The following ACACA variants were observed in gnomAD, a reference collection of about 807,000 sequenced individuals.
The protein encoded by ACACA is acetyl-CoA carboxylase 1.
Under a neutral mutation model 296.1 loss-of-function variants are expected in ACACA, and 103 were observed. The ratio of observed to expected loss-of-function variants is 0.35; its 90% CI spans 0.30 to 0.41. ACACA has a LOEUF of 0.41. Ranked by LOEUF, ACACA falls within the 10% of genes least tolerant of loss-of-function variation. The pLI is 1.00. For missense variants in ACACA, 1,554 were observed against 2,989.7 expected (o/e 0.52, Z 11.20); for synonymous variants, 953 against 1,038.6 (o/e 0.92, Z 1.58).
intron 18 of ACACA, among the ~76,000 whole-genome samples, chr17:37,247,647 G>A (rs1310452332): frequency 3.3e-5 from 5 of 152,188 alleles, no homozygotes; most frequent in East Asian, 3.8e-4. Context: ...GATTACAGGC[G>A]TGAGCCACCG....
At chr17:37,208,426 G>C (rs552355247) in intron 30 of ACACA, among the ~76,000 whole-genome samples, 1 of 152,258 alleles carries the variant, frequency 6.6e-6, no homozygotes, top group African/African-American at 2.4e-5. Flanking sequence ...TGGGTTGGTA[G>C]GCATAGTTAT....
intron 1 of ACACA, among the ~76,000 whole-genome samples, chr17:37,400,671 T>C (rs983141559): frequency 6.6e-6 from 1 of 152,180 alleles, no homozygotes; most frequent in Admixed American, 6.6e-5. Context: ...TCCAGGTCCA[T>C]CTATGTTGCT....
rs537668828 is a variant in ACACA, at chr17:37,179,541, C to A, written c.4933-135G>T. 1.9e-5 allele frequency: 18 copies of A among 964,390 alleles called. No homozygotes were observed. The South Asian group carries it at 2.6e-4, about 14-fold the overall frequency. 59.7% of individuals were successfully genotyped at this position (964,390 alleles called of 1,614,324 possible). A position where few individuals can be genotyped will look rare whatever the true frequency, so the allele number is the denominator to read the frequency against. On this transcript the variant is annotated intron_variant, in intron 40 of 55. Transcript: ENST00000616317. ...CAGAGTGTAAACATTAGACTAAATTCTCCAGCTCCCATTCTCAGTTAAAAT... is the reference window on the plus strand; with the variant it reads ...CAGAGTGTAAACATTAGACTAAATTATCCAGCTCCCATTCTCAGTTAAAAT...
At chr17:37,404,877 C>G (rs1481708669) in intron 1 of ACACA, among the ~76,000 whole-genome samples, 2 of 152,060 alleles carry the variant, frequency 1.3e-5, no homozygotes, top group Non-Finnish European at 2.9e-5. Context: ...CGCTCCCAGC[C>G]CACAGTGATC....
Position 37,192,253 on chromosome 17 carries a change from A to G in ACACA, c.4253T>C (p.Leu1418Ser). The change falls in exon 37 of 56, where the codon TTA becomes TCA. Residue 1418 changes from leucine (L) to serine (S), a missense_variant. Leu to Ser is a moderately radical substitution (Grantham distance 145, BLOSUM62 -2). Transcript: ENST00000616317. ...AAAATTTCTCATCCGGTTCAGCTCT[A>G]ACTGGAAAGCCAGAGCAGGCTCCAG... ...RHLEPALAFQLELNRMRNFDL... is the reference protein window; with the variant it reads ...RHLEPALAFQSELNRMRNFDL... 6.2e-7 allele frequency: 1 copy of G among 1,614,154 alleles called. No homozygotes were observed. Among genetic ancestry groups the G allele is most frequent in the East Asian group, 2.2e-5 (1 of 44,886 alleles).
chr17:37,290,177 A>G (rs200983899), intron 3 of ACACA, among the ~76,000 whole-genome samples: 2 of 152,124 alleles, frequency 1.3e-5, no homozygotes, highest in East Asian at 3.9e-4. Flanking sequence ...CCTCCCAAGT[A>G]GCTGGAATTA....
At chr17:37,170,641 TG>T (rs1482074056) in intron 41 of ACACA, among the ~76,000 whole-genome samples, 9 of 152,336 alleles carry the variant, frequency 5.9e-5, no homozygotes, top group African/African-American at 2.2e-4. Flanking sequence ...TTTTTTCTGC[TG>T]GGAGGACCTT....
intron 41 of ACACA, among the ~76,000 whole-genome samples, chr17:37,168,082 T>C (rs2076751535): frequency 6.6e-6 from 1 of 152,198 alleles, no homozygotes; most frequent in African/African-American, 2.4e-5. Flanking sequence ...CTCAGCTTTC[T>C]AGCCATATAC....
intron 3 of ACACA, among the ~76,000 whole-genome samples, chr17:37,316,317 A>G (rs990075856): frequency 6.6e-6 from 1 of 151,512 alleles, no homozygotes; most frequent in African/African-American, 2.4e-5. Context: ...ACACACACAC[A>G]CACACACACA....
chr17:37,303,964 G>A (rs1207237821), intron 3 of ACACA, among the ~76,000 whole-genome samples: 4 of 152,156 alleles, frequency 2.6e-5, no homozygotes, highest in Non-Finnish European at 5.9e-5. Flanking sequence ...CAAACCTTTG[G>A]TATTGTGTCT....
intron 51 of ACACA, 82 bp from the exon 52 acceptor site, chr17:37,111,725 T>C (rs1209574276): frequency 1.9e-6 from 2 of 1,030,202 alleles, no homozygotes; most frequent in African/African-American, 3.1e-5. Flanking sequence ...CCAGTTACAA[T>C]TTGTAGACCA....
chr17:37,192,344 G>T, intron 36 of ACACA, 39 bp from the exon 37 acceptor site: 1 of 1,575,402 alleles, frequency 6.3e-7, no homozygotes. Context: ...CTCACAAGAG[G>T]CAGTTACAAA....
At chr17:37,217,260 C>CAAAAAAAA (rs34419580) in intron 29 of ACACA, among the ~76,000 whole-genome samples, 2 of 42,536 alleles carry the variant, frequency 4.7e-5, no homozygotes, top group Non-Finnish European at 9.1e-5. Flanking sequence ...AACTCTATCT[C>CAAAAAAAA]AAAAAAAAAA....
intron 50 of ACACA, among the ~76,000 whole-genome samples, chr17:37,119,155 A>T (rs2074397583): frequency 6.6e-6 from 1 of 152,256 alleles, no homozygotes; most frequent in Non-Finnish European, 1.5e-5. Flanking sequence ...TGCTGAATGA[A>T]CCTCATATAT....
intron 52 of ACACA, among the ~76,000 whole-genome samples, chr17:37,104,422 C>T (rs1266591986): frequency 6.6e-6 from 1 of 152,168 alleles, no homozygotes; most frequent in African/African-American, 2.4e-5. Context: ...TTACAACAAT[C>T]CTAAAAGATG....
At position 37,134,395 on chromosome 17, in the gene ACACA, C is replaced by T. The variant is rs530305085; in HGVS notation, c.5680-4177G>A. ...GTGCAAATGAAATCACTATGTAATA[C>T]TGAATGAGTGCAGTATTTACTTGTC... On this transcript the variant is annotated intron_variant, in intron 45 of 55. Coordinates refer to ENST00000616317, the MANE Select transcript of ACACA (RefSeq NM_198834.3). Among the ~76,000 whole-genome samples the T allele has an allele frequency of 1.9e-4, 29 of 152,312 alleles. No individual in the cohort carries two copies. The South Asian group carries it at 6.0e-3, about 32-fold the overall frequency.
intron 3 of ACACA, among the ~76,000 whole-genome samples, chr17:37,285,718 G>A (rs1288623017): frequency 7.7e-6 from 1 of 129,402 alleles, no homozygotes; most frequent in Admixed American, 8.2e-5. Flanking sequence ...GGTGGGGGGT[G>A]GGGGGCGCAG....
At chr17:37,334,586 TA>T (rs540523014) in intron 2 of ACACA, among the ~76,000 whole-genome samples, 27 of 152,248 alleles carry the variant, frequency 1.8e-4, no homozygotes, top group African/African-American at 5.8e-4. Flanking sequence ...CAATGCTAGC[TA>T]TTCCTGTGAA....
At chr17:37,166,876 A>G (rs577012434) in intron 41 of ACACA, among the ~76,000 whole-genome samples, 151 of 152,230 alleles carry the variant, frequency 9.9e-4, no homozygotes, top group Non-Finnish European at 1.8e-3. Flanking sequence ...AGGTAGCTGT[A>G]ATTATTGCCA....
Sources: gnomAD v4.1 joint callset for allele counts (sites outside exome capture counted in the v4.1 genomes callset) on GRCh38, gnomAD v4.1.1 for gene constraint, MANE v1.5 for transcripts, NCBI Gene and HGNC (gene_info 2026-07-23, HGNC 2026-07-21) for gene names.